Variants in PHEX observed in about 807,000 individuals in gnomAD.
PHEX encodes phosphate regulating endopeptidase X-linked.
A neutral mutation model predicts 68.0 loss-of-function variants in PHEX; 16 were observed. The ratio of observed to expected loss-of-function variants is 0.24; its 90% CI spans 0.16 to 0.36. The LOEUF is 0.36. Ranked by LOEUF, PHEX falls within the 10% of genes least tolerant of loss-of-function variation. The probability of loss-of-function intolerance (pLI) is 1.00; values close to 1 mark genes in which losing one functional copy is unlikely to be tolerated. For missense variants in PHEX, 480 were observed against 575.5 expected, an observed-to-expected ratio of 0.83 and a Z score of 1.70; for synonymous variants, 208 against 205.1, an observed-to-expected ratio of 1.01 and a Z score of -0.12.
intron 2 of PHEX, among the ~76,000 whole-genome samples, chrX:22,046,563 CTTTTTTTTT>C (rs529373663): frequency 3.9e-5 from 3 of 77,020 alleles, no homozygotes; most frequent in Non-Finnish European, 7.6e-5. Flanking sequence ...TATCCATTCC[CTTTTTTTTT>C]TTTTTTTTTT....
chrX:22,081,126 A>G lies in PHEX; in HGVS notation c.663+3424A>G, dbSNP rs145009753. Among the ~76,000 whole-genome samples, 159 of 110,060 alleles carry G rather than the reference A, an allele frequency of 1.4e-3. 1 individual carries two copies. Among genetic ancestry groups the G allele is most frequent in the African/African-American group, 5.0e-3 (150 of 30,262 alleles). On this transcript the variant is annotated intron_variant, in intron 5 of 21. Transcript: ENST00000379374. ...ACCTAATATTTGACTTTTAGCTCCC[A>G]CCCAACCTTTTGGTGGGAAACTGAA...
chrX:22,144,692 T>G (rs1016254308), intron 12 of PHEX, among the ~76,000 whole-genome samples: 1 of 109,986 alleles, frequency 9.1e-6, no homozygotes, highest in African/African-American at 3.3e-5. Context: ...CTTATTAGTA[T>G]CCTGTCTGTG....
At chrX:22,199,368 G>A (rs901825198) in intron 15 of PHEX, among the ~76,000 whole-genome samples, 2 of 111,729 alleles carry the variant, frequency 1.8e-5, no homozygotes, top group African/African-American at 6.5e-5. Flanking sequence ...AATACAGATA[G>A]CACAGTGATC....
Position 22,076,433 on chromosome X carries a change from T to C in PHEX, c.395T>C (p.Ile132Thr), listed in dbSNP as rs1929154354. 8.3e-7 allele frequency: 1 copy of C among 1,206,879 alleles called. No homozygotes were observed. The highest frequency in any genetic ancestry group is 1.8e-5 in the South Asian group (1 of 56,857). ...AGTAGAAGGCGGGACACCGAAGCCATACAGAAAGCCAAAATCCTTTATTCA... is the reference window on the plus strand; with the variant it reads ...AGTAGAAGGCGGGACACCGAAGCCACACAGAAAGCCAAAATCCTTTATTCA... ...SISRRRDTEA[I>T]QKAKILYSSC... The change falls in exon 4 of 22, where the codon ATA becomes ACA. Residue 132 changes from isoleucine to threonine, a missense_variant. Physicochemically the swap from Ile to Thr is moderately conservative, Grantham distance 89. Transcript: ENST00000379374.
chrX:22,098,112 T>TAA (rs766636965), intron 8 of PHEX: 91 of 104,687 alleles, frequency 8.7e-4, no homozygotes, highest in Middle Eastern at 2.3e-3. Context: ...TTTTTTTTTT[T>TAA]AAAAACTGTG....
chrX:22,130,419 G>A (rs1392486638), intron 11 of PHEX, among the ~76,000 whole-genome samples: 1 of 109,383 alleles, frequency 9.1e-6, no homozygotes, highest in Admixed American at 9.8e-5. Context: ...GTGCATGTCT[G>A]TGATCCCAGC....
chrX:22,227,812 T>TATTA (rs1935561220), intron 20 of PHEX, among the ~76,000 whole-genome samples: 1 of 112,621 alleles, frequency 8.9e-6, no homozygotes, highest in South Asian at 3.6e-4. Context: ...AATCAAGGTT[T>TATTA]ATTAGTATTT....
chrX:22,209,243 AT>A (rs1472169821), intron 15 of PHEX, among the ~76,000 whole-genome samples: 1 of 111,259 alleles, frequency 9.0e-6, no homozygotes, highest in African/African-American at 3.3e-5. Flanking sequence ...GGCTCAGTCC[AT>A]TTGGGTGCAT....
intron 15 of PHEX, among the ~76,000 whole-genome samples, chrX:22,212,262 C>T (rs1173146444): frequency 1.8e-5 from 2 of 111,019 alleles, no homozygotes; most frequent in African/African-American, 3.3e-5. Flanking sequence ...CTAGATGTAT[C>T]GTATTTACCT....
chrX:22,239,490 T>C (rs138218129), intron 20 of PHEX, among the ~76,000 whole-genome samples: 1,734 of 110,962 alleles, frequency 0.016, 29 homozygotes, highest in African/African-American at 0.054. Context: ...CTAAGAACCT[T>C]GAAAACAGGT....
At position 22,046,792 on chromosome X, in the gene PHEX, C is replaced by T. The variant is rs1454643924; in HGVS notation, c.188-258C>T. The stretch of plus-strand genomic sequence containing the variant: ...ATGTTGGCCAGACTGGTCTCAAACT[C>T]CTGACCTGAGGTGGTCCACCTGCCT... On this transcript the variant is annotated intron_variant, in intron 2 of 21. Transcript: ENST00000379374. Among the ~76,000 whole-genome samples the T allele has an allele frequency of 2.7e-5, 3 of 110,758 alleles. No homozygotes were observed. The East Asian group carries it at 8.5e-4, about 31-fold the overall frequency.
At chrX:22,246,209 C>T (rs1359338370) in intron 21 of PHEX, among the ~76,000 whole-genome samples, 4 of 111,336 alleles carry the variant, frequency 3.6e-5, no homozygotes, top group African/African-American at 9.8e-5. Flanking sequence ...TGTACTCGGT[C>T]GTACAGGTTG....
intron 3 of PHEX, among the ~76,000 whole-genome samples, chrX:22,050,037 G>A (rs113296266): frequency 1.7e-4 from 19 of 112,359 alleles, no homozygotes; most frequent in African/African-American, 6.1e-4. Context: ...ACATCCATTC[G>A]CTTATGCATT....
In PHEX at chrX:22,209,960, T is replaced by TAA. The variant is rs1344992750; in HGVS notation, c.1646-2942_1646-2941dup. Among the ~76,000 whole-genome samples the TAA allele has an allele frequency of 6.5e-3, 695 of 106,662 alleles. 4 individuals carry two copies. The highest frequency in any genetic ancestry group is 0.021 in the African/African-American group (607 of 29,199). 92.6% of individuals were successfully genotyped at this position (106,662 alleles called of 115,157 possible). A position where few individuals can be genotyped will look rare whatever the true frequency, so the allele number is the denominator to read the frequency against. On this transcript the variant is annotated intron_variant, in intron 15 of 21. Coordinates refer to ENST00000379374, the MANE Select transcript of PHEX (RefSeq NM_000444.6). ...AATGGTAAAAAAAAAAAAAAATAAA[T>TAA]AAATAAAAATAAAAAGGAAATAAAA...
At chrX:22,045,070 TG>T (rs769410138) in intron 2 of PHEX, among the ~76,000 whole-genome samples, 2 of 108,621 alleles carry the variant, frequency 1.8e-5, no homozygotes, top group South Asian at 8.0e-4. Context: ...TTGAAAATGG[TG>T]GGGATTTTGA....
intron 15 of PHEX, among the ~76,000 whole-genome samples, chrX:22,197,802 T>C (rs1399345335): frequency 9.0e-6 from 1 of 110,680 alleles, no homozygotes; most frequent in Non-Finnish European, 1.9e-5. Flanking sequence ...TAACTTTGTG[T>C]GGTTTAGTGG....
In PHEX at chrX:22,221,593, C is replaced by T. The variant is rs368650387; in HGVS notation, c.1769-20C>T. ...TTTCCATAAATAACACAAATGTCTT[C>T]GAACTTTTCCTTTTGCTAGGTAGAA... On this transcript the variant is annotated intron_variant, in intron 17 of 21. Transcript: ENST00000379374. 7.2e-5 allele frequency: 85 copies of T among 1,180,946 alleles called. No individual in the cohort carries two copies. The African/African-American group carries it at 1.2e-3, about 16-fold the overall frequency.
chrX:22,053,984 G>A (rs768345821), intron 3 of PHEX, among the ~76,000 whole-genome samples: 1 of 110,523 alleles, frequency 9.0e-6, no homozygotes. Context: ...ATCATCTTTT[G>A]CAGACAATGG....
chrX:22,187,791 T>C (rs1274328666), intron 14 of PHEX, among the ~76,000 whole-genome samples: 1 of 112,027 alleles, frequency 8.9e-6, no homozygotes, highest in African/African-American at 3.2e-5. Context: ...ATGCATTTTA[T>C]GGAAATATGT....
Sources: gnomAD v4.1 joint callset for allele counts (sites outside exome capture counted in the v4.1 genomes callset) on GRCh38, gnomAD v4.1.1 for gene constraint, MANE v1.5 for transcripts, NCBI Gene and HGNC (gene_info 2026-07-23, HGNC 2026-07-21) for gene names.